Variants in SORCS2 observed in about 807,000 individuals in gnomAD.
SORCS2 encodes sortilin related VPS10 domain containing receptor 2.
SORCS2 carries 100 observed loss-of-function variants against 141.6 expected under a neutral mutation model. The observed-to-expected ratio is 0.71, with a 90% CI of 0.60 to 0.83. The LOEUF (loss-of-function observed/expected upper bound fraction) is 0.83, where lower values mean the gene tolerates loss of function less well. Among genes scored for constraint, SORCS2 ranks in the 40% least tolerant of loss-of-function variants. The pLI is 0.00. For missense variants in SORCS2, 1,646 were observed against 1,560.2 expected, an observed-to-expected ratio of 1.05 and a Z score of -0.93; for synonymous variants, 789 against 676.9, an observed-to-expected ratio of 1.17 and a Z score of -2.57.
rs1560374181 is a variant in SORCS2 at position 7,544,074 on chromosome 4, A to ACCCATCCATCCACCCT, written c.648+12445_648+12446insCCCATCCATCCACCCT. 6.9e-4 allele frequency among the ~76,000 whole-genome samples: 100 copies of ACCCATCCATCCACCCT among 143,918 alleles called. 2 individuals carry two copies. The highest frequency in any genetic ancestry group is 1.6e-3 in the Admixed American group (24 of 14,576). 94.4% of individuals were successfully genotyped at this position (143,918 alleles called of 152,430 possible). On this transcript the variant is annotated intron_variant, in intron 3 of 26. Coordinates refer to ENST00000507866, the MANE Select transcript of SORCS2 (RefSeq NM_020777.3). ...CAGCCACCCACCCATCCATCCACCC[A>ACCCATCCATCCACCCT]TCCATCCATCCATCCACCCATGCAT...
At position 7,663,545 on chromosome 4, in the gene SORCS2, C is replaced by G. The variant is rs533411036; in HGVS notation, c.953-808C>G. Among the ~76,000 whole-genome samples, 5 of 152,366 alleles carry G rather than the reference C, an allele frequency of 3.3e-5. No homozygotes were observed. Among genetic ancestry groups the G allele is most frequent in the Non-Finnish European group, 5.9e-5 (4 of 68,032 alleles). On this transcript the variant is annotated intron_variant, in intron 6 of 26. Transcript: ENST00000507866. This position sits in a 1 kb window ranked among gnomAD's most constrained non-coding sequence, Gnocchi z 4.8. Reference sequence around the variant, plus strand: ...CCTGGTGCTGCTGCCCACGTACCCTCTGTGTACACTGCCTTCTGCCTCCTC... The same window carrying G: ...CCTGGTGCTGCTGCCCACGTACCCTGTGTGTACACTGCCTTCTGCCTCCTC...
intron 1 of SORCS2, among the ~76,000 whole-genome samples, chr4:7,271,920 G>T (rs1010481349): frequency 1.3e-5 from 2 of 152,266 alleles, no homozygotes; most frequent in African/African-American, 4.8e-5. Context: ...TGGGCTCTGG[G>T]TGTTCGCTAA....
At chr4:7,714,750 C>G (rs1021726857) in intron 16 of SORCS2, among the ~76,000 whole-genome samples, 2 of 152,188 alleles carry the variant, frequency 1.3e-5, no homozygotes, top group Non-Finnish European at 2.9e-5. Flanking sequence ...TCAAAAGCTG[C>G]CTGTGACTGC....
intron 1 of SORCS2, among the ~76,000 whole-genome samples, chr4:7,195,439 A>G (rs963654621): frequency 6.6e-6 from 1 of 152,018 alleles, no homozygotes; most frequent in Non-Finnish European, 1.5e-5. Flanking sequence ...CAGATGCTGG[A>G]CCAGGCATTG....
chr4:7,443,165 G>A (rs1227917927), intron 2 of SORCS2, among the ~76,000 whole-genome samples: 1 of 152,208 alleles, frequency 6.6e-6, no homozygotes, highest in Non-Finnish European at 1.5e-5. Context: ...TCAGATCACA[G>A]GTACCAGGGT....
At chr4:7,430,115 G>C (rs114176632) in intron 2 of SORCS2, among the ~76,000 whole-genome samples, 3 of 152,136 alleles carry the variant, frequency 2.0e-5, no homozygotes, top group African/African-American at 4.8e-5. Flanking sequence ...AAGTGAAAGT[G>C]GGGGAGGGAG....
chr4:7,239,356 G>A (rs1039686628), intron 1 of SORCS2, among the ~76,000 whole-genome samples: 1 of 152,266 alleles, frequency 6.6e-6, no homozygotes, highest in Non-Finnish European at 1.5e-5. Context: ...ACTGCCAGGA[G>A]CAGCTCCCCT....
chr4:7,670,084 G>A (rs1483106664), intron 8 of SORCS2, among the ~76,000 whole-genome samples: 1 of 152,194 alleles, frequency 6.6e-6, no homozygotes, highest in Non-Finnish European at 1.5e-5. Flanking sequence ...TCAGAACAAA[G>A]GATATAAATA....
chr4:7,655,596 G>A (rs919090892), intron 5 of SORCS2, among the ~76,000 whole-genome samples: 9 of 152,236 alleles, frequency 5.9e-5, no homozygotes, highest in East Asian at 1.9e-4. Flanking sequence ...TGTACACGCC[G>A]TTGGCTCATG....
At chr4:7,577,896 C>T (rs1444451296) in intron 3 of SORCS2, among the ~76,000 whole-genome samples, 8 of 140,776 alleles carry the variant, frequency 5.7e-5, no homozygotes, top group Non-Finnish European at 1.2e-4. Context: ...GTTTGGAGGT[C>T]ATATAGCATA....
At chr4:7,501,443 A>T (rs1731971485) in intron 2 of SORCS2, among the ~76,000 whole-genome samples, 1 of 152,168 alleles carries the variant, frequency 6.6e-6, no homozygotes, top group South Asian at 2.1e-4. Context: ...ACACGGTGCC[A>T]TGAGCTCCCA....
intron 2 of SORCS2, among the ~76,000 whole-genome samples, chr4:7,509,579 A>G (rs79153094): frequency 6.6e-6 from 1 of 152,086 alleles, no homozygotes; most frequent in South Asian, 2.1e-4. Context: ...CATCATCCCC[A>G]TTTTCCAGAT....
At chr4:7,714,101 C>T in intron 15 of SORCS2, 139 bp from the exon 16 acceptor site, 1 of 1,260,504 alleles carries the variant, frequency 7.9e-7, no homozygotes, top group South Asian at 1.5e-5. Context: ...CATGTCACGC[C>T]CCATTATGGG....
intron 1 of SORCS2, among the ~76,000 whole-genome samples, chr4:7,290,142 C>T (rs1177870013): frequency 6.6e-6 from 1 of 152,128 alleles, no homozygotes; most frequent in Admixed American, 6.5e-5. Context: ...GATGGCTGGC[C>T]CCAGGGGAGG....
At chr4:7,292,882 T>C (rs1029249847) in intron 1 of SORCS2, among the ~76,000 whole-genome samples, 1 of 152,192 alleles carries the variant, frequency 6.6e-6, no homozygotes, top group Admixed American at 6.5e-5. Flanking sequence ...AAAGGAAAAA[T>C]AGCCCATGCT....
intron 1 of SORCS2, among the ~76,000 whole-genome samples, chr4:7,222,747 A>G (rs1351756761): frequency 3.3e-5 from 5 of 151,846 alleles, no homozygotes; most frequent in African/African-American, 4.8e-5. Context: ...TGGAAAGGGC[A>G]GGTGTAGGGA....
chr4:7,428,841 G>C (rs1284235096), intron 2 of SORCS2, among the ~76,000 whole-genome samples: 1 of 152,098 alleles, frequency 6.6e-6, no homozygotes, highest in Non-Finnish European at 1.5e-5. Flanking sequence ...CTTAGATTTT[G>C]TCAGGATCAC....
At chr4:7,383,674 G>C (rs1177801371) in intron 1 of SORCS2, among the ~76,000 whole-genome samples, 1 of 152,276 alleles carries the variant, frequency 6.6e-6, no homozygotes, top group South Asian at 2.1e-4. Flanking sequence ...GCCATAAATA[G>C]ACCTGAGCAA....
At chr4:7,710,216 A>G (rs886375) in intron 14 of SORCS2, among the ~76,000 whole-genome samples, 128,758 of 151,924 alleles carry the variant, frequency 0.85, 54,817 homozygotes, top group African/African-American at 0.94. Context: ...TTTCTGCGCA[A>G]AGCCTCACAG....
Sources: gnomAD v4.1 joint callset for allele counts (sites outside exome capture counted in the v4.1 genomes callset) on GRCh38, gnomAD v4.1.1 for gene constraint, Gnocchi (gnomAD v3.1) non-coding constraint, MANE v1.5 for transcripts, NCBI Gene and HGNC (gene_info 2026-07-23, HGNC 2026-07-21) for gene names.